The following NUP205 variants were observed in gnomAD, a reference collection of about 807,000 sequenced individuals.
NUP205 encodes the protein nucleoporin 205.
Under a neutral mutation model 253.8 loss-of-function variants are expected in NUP205, and 76 were observed. The observed-to-expected ratio is 0.30, with a 90% CI of 0.25 to 0.36. The LOEUF is 0.36. Among genes scored for constraint, NUP205 ranks in the 10% least tolerant of loss-of-function variants. NUP205 has a pLI of 1.00. For synonymous variants in NUP205, 832 were observed against 850.1 expected (o/e 0.98, Z 0.37); for missense variants, 2,162 against 2,425.5 (o/e 0.89, Z 2.28).
At chr7:135,584,329 T>TA (rs968560078) in intron 7 of NUP205, among the ~76,000 whole-genome samples, 123 of 152,258 alleles carry the variant, frequency 8.1e-4, no homozygotes, top group African/African-American at 2.8e-3. Flanking sequence ...AAATAAAATA[T>TA]AAAAAAATTA....
chr7:135,642,218 G>C (rs1794927025), intron 38 of NUP205, among the ~76,000 whole-genome samples: 1 of 150,042 alleles, frequency 6.7e-6, no homozygotes, highest in East Asian at 1.9e-4. Context: ...TCGAACCACT[G>C]TACTCCAGGC....
rs1805808489 is a variant in NUP205 at position 135,567,256 on chromosome 7, T to C, written c.29-3849T>C. The stretch of plus-strand genomic sequence containing the variant: ...AAATAATCCATCTCCACTGGTTTAG[T>C]CCGTCCTCTCCCTGCACATCTCCCT... On this transcript the variant is annotated intron_variant, in intron 1 of 42. Coordinates refer to ENST00000285968, the MANE Select transcript of NUP205 (RefSeq NM_015135.3). Among the ~76,000 whole-genome samples, 3 of 141,904 alleles carry C rather than the reference T, an allele frequency of 2.1e-5. No homozygotes were observed. In the South Asian group the frequency reaches 6.7e-4, roughly 32 times the overall value. The allele number at this position is 141,904 out of a possible 152,430, so 93.1% of individuals were successfully genotyped here. A position where few individuals can be genotyped will look rare whatever the true frequency, so the allele number is the denominator to read the frequency against.
chr7:135,624,457 A>C (rs988426342), intron 31 of NUP205, among the ~76,000 whole-genome samples: 15 of 152,036 alleles, frequency 9.9e-5, no homozygotes, highest in African/African-American at 3.4e-4. Context: ...GCTCACTGCA[A>C]CCTCTGCCTC....
chr7:135,633,883 C>T (rs967699398), intron 35 of NUP205, among the ~76,000 whole-genome samples: 1 of 152,200 alleles, frequency 6.6e-6, no homozygotes, highest in Non-Finnish European at 1.5e-5. Flanking sequence ...ACAAGTTATA[C>T]TACTATCAAC....
chr7:135,627,683 G>C (rs971367759), intron 33 of NUP205, among the ~76,000 whole-genome samples: 1 of 152,196 alleles, frequency 6.6e-6, no homozygotes, highest in African/African-American at 2.4e-5. Context: ...AAGCTTTAGA[G>C]AAGAATAAAA....
chr7:135,577,742 A>G, intron 5 of NUP205, 54 bp from the exon 6 acceptor site: 1 of 1,351,662 alleles, frequency 7.4e-7, no homozygotes, highest in Non-Finnish European at 1.0e-6. Context: ...CTTTGGAATA[A>G]GACCAGGCTT....
chr7:135,605,806 G>A (rs562546965), intron 19 of NUP205, among the ~76,000 whole-genome samples: 21 of 150,332 alleles, frequency 1.4e-4, no homozygotes, highest in African/African-American at 2.4e-4. Context: ...TTAAGATCTC[G>A]TAACATTGAC....
intron 42 of NUP205, 147 bp downstream of exon 42, chr7:135,646,378 C>T (rs2129492721): frequency 1.6e-6 from 1 of 621,480 alleles, no homozygotes; most frequent in South Asian, 2.0e-5. Flanking sequence ...GTCTGGGCAA[C>T]ATAGTGAGAC....
At chr7:135,592,156 A>G (rs759377397) in intron 11 of NUP205, among the ~76,000 whole-genome samples, 9 of 152,238 alleles carry the variant, frequency 5.9e-5, no homozygotes, top group Non-Finnish European at 1.2e-4. Flanking sequence ...TTGGAGAGCC[A>G]TGATGGGAGC....
intron 1 of NUP205, among the ~76,000 whole-genome samples, chr7:135,563,477 T>C (rs989547678): frequency 9.9e-5 from 15 of 152,204 alleles, no homozygotes; most frequent in Admixed American, 2.6e-4. Context: ...CGTGAGCCAC[T>C]GTGCCCGGCC....
At chr7:135,634,011 G>C in intron 35 of NUP205, among the ~76,000 whole-genome samples, 1 of 152,114 alleles carries the variant, frequency 6.6e-6, no homozygotes, top group South Asian at 2.1e-4. Flanking sequence ...CCCCCATGCT[G>C]CCTAGCCCAC....
At position 135,645,482 on chromosome 7, in the gene NUP205, T is replaced by G. The variant is rs1217601030; in HGVS notation, c.5698T>G (p.Cys1900Gly). Residue 1900 changes from cysteine to glycine, a missense_variant, in exon 41 of 43, where the codon TGC (cysteine) becomes GGC (glycine). Physicochemically the swap from Cys to Gly is radical, Grantham distance 159. Transcript: ENST00000285968. ...LSLCSFIIET[C>G]LFILWRHLEY... Reference sequence around the variant, plus strand: ...CTCTGGTATAGTTATCATAGAGACCTGCCTATTTATTCTTTGGCGCCATCT... The same window carrying G: ...CTCTGGTATAGTTATCATAGAGACCGGCCTATTTATTCTTTGGCGCCATCT... 6.2e-7 allele frequency: 1 copy of G among 1,613,944 alleles called. No homozygotes were observed.
At chr7:135,602,724 C>A in intron 17 of NUP205, 81 bp from the exon 18 acceptor site, 1 of 1,143,788 alleles carries the variant, frequency 8.7e-7, no homozygotes, top group South Asian at 1.4e-5. Flanking sequence ...TAAAACTTGT[C>A]ATTTGTCTTG....
At chr7:135,645,052 A>T in intron 40 of NUP205, 34 bp downstream of exon 40, 6 of 1,610,414 alleles carry the variant, frequency 3.7e-6, no homozygotes, top group Non-Finnish European at 5.1e-6. Context: ...TTGAATGATG[A>T]CCTTGAAATA....
chr7:135,613,632 G>T (rs1794290829), intron 22 of NUP205: 1 of 151,636 alleles, frequency 6.6e-6, no homozygotes, highest in South Asian at 2.1e-4. Context: ...CACCTCCAGG[G>T]TTTAAGTGAT....
At chr7:135,631,866 C>G (rs1297852155) in intron 35 of NUP205, among the ~76,000 whole-genome samples, 1 of 151,922 alleles carries the variant, frequency 6.6e-6, no homozygotes, top group African/African-American at 2.4e-5. Flanking sequence ...TCTCCTGCCT[C>G]AGCCTCCCGA....
chr7:135,567,124 G>GTATATATATATATATA (rs1310178860), intron 1 of NUP205, among the ~76,000 whole-genome samples: 1 of 24,238 alleles, frequency 4.1e-5, no homozygotes, highest in Non-Finnish European at 7.3e-5. Flanking sequence ...CTCAGTCTAT[G>GTATATATATATATATA]TGTGTATATA....
intron 38 of NUP205, among the ~76,000 whole-genome samples, chr7:135,642,763 A>T (rs945957657): frequency 6.6e-6 from 1 of 152,218 alleles, no homozygotes; most frequent in African/African-American, 2.4e-5. Flanking sequence ...CCATACAACT[A>T]GAGCCATCAG....
intron 20 of NUP205, among the ~76,000 whole-genome samples, 156 bp from the exon 21 acceptor site, chr7:135,606,595 G>A (rs1794090517): frequency 1.3e-5 from 2 of 152,166 alleles, no homozygotes; most frequent in African/African-American, 4.8e-5. Flanking sequence ...AGGTTTTTAG[G>A]ATTCCACTTT....
Sources: allele counts gnomAD v4.1 joint callset (sites outside exome capture counted in the v4.1 genomes callset), GRCh38; gene constraint gnomAD v4.1.1; transcripts MANE v1.5; gene names NCBI Gene and HGNC (gene_info 2026-07-23, HGNC 2026-07-21).